FAM81A: variants seen among roughly 807,000 people sequenced by gnomAD.
The protein encoded by FAM81A is family with sequence similarity 81 member A.
FAM81A carries 19 observed loss-of-function variants against 46.7 expected under a neutral mutation model. That is an observed-to-expected ratio of 0.41 (90% confidence interval 0.28 to 0.60). The LOEUF (loss-of-function observed/expected upper bound fraction) is 0.60, where lower values mean the gene tolerates loss of function less well. FAM81A is among the 20% of genes least tolerant of loss of function. The probability of loss-of-function intolerance (pLI) is 0.34; values close to 1 mark genes in which losing one functional copy is unlikely to be tolerated. For missense variants in FAM81A, 377 were observed against 453.5 expected, an observed-to-expected ratio of 0.83 and a Z score of 1.53; for synonymous variants, 183 against 152.9, an observed-to-expected ratio of 1.20 and a Z score of -1.45.
chr15:59,430,863 G>C (rs529018057), intron 2 of FAM81A, among the ~76,000 whole-genome samples: 39 of 152,292 alleles, frequency 2.6e-4, no homozygotes, highest in Non-Finnish European at 4.1e-4. Flanking sequence ...ATATTATATG[G>C]AATGAGTTAA....
At chr15:59,485,170 C>T (rs2081902390) in intron 3 of FAM81A, among the ~76,000 whole-genome samples, 1 of 152,140 alleles carries the variant, frequency 6.6e-6, no homozygotes, top group Admixed American at 6.5e-5. Flanking sequence ...TCTGGACCTG[C>T]GTGGAGCCTG....
intron 4 of FAM81A, among the ~76,000 whole-genome samples, chr15:59,501,226 T>G (rs750370796): frequency 1.3e-5 from 2 of 152,172 alleles, no homozygotes; most frequent in Non-Finnish European, 2.9e-5. Context: ...CTCAGTACAG[T>G]TTGGGAAATG....
At chr15:59,495,634 C>CAG (rs1159721774) in intron 4 of FAM81A, among the ~76,000 whole-genome samples, 1 of 152,184 alleles carries the variant, frequency 6.6e-6, no homozygotes, top group Admixed American at 6.5e-5. Flanking sequence ...TACATTGCCC[C>CAG]CAGCAGTGTC....
intron 3 of FAM81A, among the ~76,000 whole-genome samples, chr15:59,491,383 G>A (rs1257092827): frequency 1.3e-5 from 2 of 152,084 alleles, no homozygotes; most frequent in East Asian, 3.9e-4. Flanking sequence ...TTGAACTCAC[G>A]GAGATAGAGA....
At chr15:59,514,176 C>T in intron 6 of FAM81A, 113 bp from the exon 7 acceptor site, 2 of 1,099,466 alleles carry the variant, frequency 1.8e-6, no homozygotes, top group Middle Eastern at 3.1e-4. Context: ...CACCATGGCA[C>T]ATGTTTACCT....
At chr15:59,517,795 A>T (rs1168188128) in intron 8 of FAM81A, among the ~76,000 whole-genome samples, 2 of 152,324 alleles carry the variant, frequency 1.3e-5, no homozygotes, top group African/African-American at 2.4e-5. Context: ...CTATTAAAAT[A>T]TGGTATTTGA....
At chr15:59,403,808 C>A (rs1290835578) in intron 2 of FAM81A, among the ~76,000 whole-genome samples, 1 of 151,896 alleles carries the variant, frequency 6.6e-6, no homozygotes, top group Non-Finnish European at 1.5e-5. Flanking sequence ...TCTTCCAAAT[C>A]TTAATAAACA....
chr15:59,413,472 C>T (rs1274035693), intron 2 of FAM81A, among the ~76,000 whole-genome samples: 1 of 149,248 alleles, frequency 6.7e-6, no homozygotes, highest in African/African-American at 2.5e-5. Flanking sequence ...AACCACCCAC[C>T]CTATATCACA....
chr15:59,499,342 C>T (rs1252362004), intron 4 of FAM81A, among the ~76,000 whole-genome samples: 5 of 152,212 alleles, frequency 3.3e-5, no homozygotes, highest in East Asian at 3.9e-4. Flanking sequence ...TTATCAAATA[C>T]GTTAAATTTG....
intron 3 of FAM81A, among the ~76,000 whole-genome samples, chr15:59,483,348 C>T (rs991359777): frequency 6.6e-6 from 1 of 152,016 alleles, no homozygotes; most frequent in African/African-American, 2.4e-5. Context: ...GTGAAATTTT[C>T]CTTTTTACTG....
In FAM81A at chr15:59,523,323, A is replaced by T. The variant is rs1227826686; in HGVS notation, c.*1945A>T. On this transcript the variant is annotated 3_prime_UTR_variant, in exon 9 of 9. Transcript: ENST00000288228. ...ATCATCCAGAGGAGTTGGGAAATCT[A>T]CTGATGCCCCGCTGTGCCTCCCAGA... is the stretch of plus-strand genomic sequence containing the variant. The T allele has an allele frequency of 6.6e-6, 1 of 152,192 alleles. No homozygotes were observed. Among genetic ancestry groups the T allele is most frequent in the Non-Finnish European group, 1.5e-5 (1 of 68,062 alleles). 9.4% of individuals were successfully genotyped at this position (152,192 alleles called of 1,614,324 possible).
At chr15:59,488,039 G>A (rs900899679) in intron 3 of FAM81A, among the ~76,000 whole-genome samples, 1 of 152,142 alleles carries the variant, frequency 6.6e-6, no homozygotes, top group South Asian at 2.1e-4. Flanking sequence ...CTGGGAAACT[G>A]AATTCAGCAA....
intron 2 of FAM81A, among the ~76,000 whole-genome samples, chr15:59,430,524 C>T (rs2081215482): frequency 6.6e-6 from 1 of 152,072 alleles, no homozygotes; most frequent in Non-Finnish European, 1.5e-5. Flanking sequence ...CCTTGGCCTC[C>T]CAAAGTGCTG....
intron 1 of FAM81A, 32 bp from the exon 2 acceptor site, chr15:59,458,518 G>C: frequency 2.6e-6 from 4 of 1,514,246 alleles, no homozygotes; most frequent in South Asian, 1.2e-5. Context: ...GATATAAACT[G>C]TTAAATAATT....
intron 4 of FAM81A, among the ~76,000 whole-genome samples, chr15:59,495,974 C>G (rs2082029008): frequency 6.6e-6 from 1 of 152,088 alleles, no homozygotes; most frequent in African/African-American, 2.4e-5. Context: ...TAAGGGATGT[C>G]TTTTCATTTT....
intron 1 of FAM81A, among the ~76,000 whole-genome samples, chr15:59,398,948 T>G (rs1269051187): frequency 6.6e-6 from 1 of 151,926 alleles, no homozygotes; most frequent in Non-Finnish European, 1.5e-5. Flanking sequence ...GACAGGTGGA[T>G]CACGAGGTCA....
rs779506829 is a variant in FAM81A at position 59,521,254 on chromosome 15, G to A, written c.983G>A (p.Gly328Glu). 94 of 1,611,292 alleles carry A rather than the reference G, an allele frequency of 5.8e-5. No individual in the cohort carries two copies. Among genetic ancestry groups the A allele is most frequent in the Non-Finnish European group, 5.7e-5 (67 of 1,178,912 alleles). ...IKEMKAEVNA[G>E]FTAVYESIGS... ...TTGTGAAATTTACCTCTCCTTCAAGGGTTTACAGCCGTCTATGAAAGCATA... is the reference window on the plus strand; with the variant it reads ...TTGTGAAATTTACCTCTCCTTCAAGAGTTTACAGCCGTCTATGAAAGCATA... Residue 328 changes from glycine to glutamate, a missense_variant and splice_region_variant, in exon 9 of 9, where the codon GGG (glycine) becomes GAG (glutamate). By Grantham distance (98) the Gly-to-Glu change is moderately conservative. Transcript: ENST00000288228.
chr15:59,417,700 G>C (rs1436814618), intron 2 of FAM81A, among the ~76,000 whole-genome samples: 1 of 152,160 alleles, frequency 6.6e-6, no homozygotes, highest in African/African-American at 2.4e-5. Context: ...GGGCAACAGA[G>C]TGAGACTCTG....
At position 59,511,224 on chromosome 15, in the gene FAM81A, G is replaced by T. The variant is rs572631556; in HGVS notation, c.650+2255G>T. On this transcript the variant is annotated intron_variant, in intron 6 of 8. Coordinates refer to ENST00000288228, the MANE Select transcript of FAM81A (RefSeq NM_152450.3). ...TAAACAAACAGTAATATTAAAGTCA[G>T]ATTTGCAGAGGATCAAAACACAACT... Among the ~76,000 whole-genome samples the T allele has an allele frequency of 7.2e-5, 11 of 152,328 alleles. No homozygotes were observed. In the South Asian group the frequency reaches 2.3e-3, roughly 32 times the overall value.
Sources: gnomAD v4.1 joint callset for allele counts (sites outside exome capture counted in the v4.1 genomes callset) on GRCh38, gnomAD v4.1.1 for gene constraint, MANE v1.5 for transcripts, NCBI Gene and HGNC (gene_info 2026-07-23, HGNC 2026-07-21) for gene names.